HMCN1: variants seen among roughly 807,000 people sequenced by gnomAD.
The protein encoded by HMCN1 is hemicentin 1.
HMCN1 carries 321 observed loss-of-function variants against 625.9 expected under a neutral mutation model. The observed-to-expected ratio is 0.51, with a 90% CI of 0.47 to 0.56. HMCN1 has a LOEUF of 0.56. HMCN1 is among the 20% of genes least tolerant of loss of function. The probability of loss-of-function intolerance (pLI) is 0.00; values close to 1 mark genes in which losing one functional copy is unlikely to be tolerated. For missense variants in HMCN1, 6,588 were observed against 6,887.3 expected, an observed-to-expected ratio of 0.96 and a Z score of 1.54; for synonymous variants, 2,425 against 2,417.6, an observed-to-expected ratio of 1.00 and a Z score of -0.09.
intron 17 of HMCN1, among the ~76,000 whole-genome samples, chr1:185,981,347 C>T (rs951943780): frequency 5.3e-5 from 8 of 151,750 alleles, no homozygotes; most frequent in Middle Eastern, 3.4e-3. Context: ...CACACACACA[C>T]ATATTAGAGT....
Position 186,037,973 on chromosome 1 carries a change from A to G in HMCN1, c.5789A>G (p.Glu1930Gly). 6.2e-7 allele frequency: 1 copy of G among 1,613,326 alleles called. No individual in the cohort carries two copies. The highest frequency in any genetic ancestry group is 8.5e-7 in the Non-Finnish European group (1 of 1,179,430). Reference sequence around the variant, plus strand: ...GAAGATGCTGGAAAAATGCTGAATGAGACTGTGTTGGTGAGCAACCCTGTA... The same window carrying G: ...GAAGATGCTGGAAAAATGCTGAATGGGACTGTGTTGGTGAGCAACCCTGTA... ...SLEDAGKMLN[E>G]TVLVSNPVQL... The change falls in exon 37 of 107, where the codon GAG (glutamate) becomes GGG (glycine). Residue 1930 changes from glutamate to glycine, a missense_variant. Coordinates refer to ENST00000271588, the MANE Select transcript of HMCN1 (RefSeq NM_031935.3).
rs1434635613 is a variant in HMCN1, at chr1:186,040,865, G to A, written c.6181-148G>A. 13 of 758,106 alleles carry A rather than the reference G, an allele frequency of 1.7e-5. No individual in the cohort carries two copies. The East Asian group carries it at 3.5e-4, about 20-fold the overall frequency. The allele number at this position is 758,106 out of a possible 1,614,324, so 47.0% of individuals were successfully genotyped here. A position where few individuals can be genotyped will look rare whatever the true frequency, so the allele number is the denominator to read the frequency against. ...TGAGAAGATGAAAAGGGTATTATAT[G>A]ATGTTTGCCTACTTAAAAATGTCCA... On this transcript the variant is annotated intron_variant, in intron 39 of 106. Transcript: ENST00000271588.
chr1:185,889,818 G>T (rs1664932410), intron 4 of HMCN1, among the ~76,000 whole-genome samples: 1 of 141,712 alleles, frequency 7.1e-6, no homozygotes, highest in East Asian at 1.9e-4. Flanking sequence ...AATGATGCTG[G>T]CCTCATAAAA....
chr1:185,821,428 A>T (rs1191850850), intron 1 of HMCN1, among the ~76,000 whole-genome samples: 1 of 152,170 alleles, frequency 6.6e-6, no homozygotes. Context: ...ATTCTGTCAT[A>T]TAATAATAGA....
intron 82 of HMCN1, among the ~76,000 whole-genome samples, chr1:186,126,629 G>A (rs1403329220): frequency 6.6e-6 from 1 of 151,918 alleles, no homozygotes; most frequent in Admixed American, 6.6e-5. Flanking sequence ...GCAGACCGGG[G>A]GAAAAACAAA....
chr1:186,110,407 G>A (rs1271553039), intron 71 of HMCN1, among the ~76,000 whole-genome samples: 7 of 152,130 alleles, frequency 4.6e-5, no homozygotes, highest in East Asian at 1.9e-4. Context: ...AGGAGACACC[G>A]GTGTACTAAA....
intron 102 of HMCN1, 59 bp downstream of exon 102, chr1:186,172,190 G>T (rs1357432780): frequency 1.9e-6 from 3 of 1,601,244 alleles, no homozygotes; most frequent in Admixed American, 3.3e-5. Context: ...GTCAAGTAAG[G>T]CATTCATTTT....
At chr1:185,852,070 A>G (rs17507170) in intron 2 of HMCN1, among the ~76,000 whole-genome samples, 35,857 of 151,892 alleles carry the variant, frequency 0.24, 4,651 homozygotes, top group Non-Finnish European at 0.29. Flanking sequence ...CCAGGAGAAT[A>G]AATGGGTTTA....
chr1:186,125,794 G>A lies in HMCN1; in HGVS notation c.12690G>A (p.Val4230=), dbSNP rs1319061166. The A allele has an allele frequency of 6.2e-7, 1 of 1,611,786 alleles. No individual in the cohort carries two copies. Among genetic ancestry groups the A allele is most frequent in the Non-Finnish European group, 8.5e-7 (1 of 1,178,280 alleles). Residue 4230 remains valine (V), a splice_region_variant and synonymous_variant, in exon 82 of 107, where the codon GTG becomes GTA. Coordinates refer to ENST00000271588, the MANE Select transcript of HMCN1 (RefSeq NM_031935.3). ...GAGAACTCATTTTAGAAAATGTTGT[G>A]GTAAGTTTAATGGACGTGAACAGAT... ...PYGELILENV[V]LEDSGFYTCV... is the part of the protein sequence containing the mutation.
intron 39 of HMCN1, 88 bp from the exon 40 acceptor site, chr1:186,040,925 A>G: frequency 6.9e-7 from 1 of 1,440,334 alleles, no homozygotes. Flanking sequence ...ATGTCAACTG[A>G]TAAGCCTCAA....
Position 185,877,317 on chromosome 1 carries a change from CTTTCTT to C in HMCN1, c.621+11458_621+11463del, listed in dbSNP as rs1282974536. 3.3e-4 allele frequency among the ~76,000 whole-genome samples: 14 copies of C among 42,766 alleles called. 1 individual carries two copies. In the South Asian group the frequency reaches 7.9e-3, roughly 24 times the overall value. 28.1% of individuals were successfully genotyped at this position (42,766 alleles called of 152,430 possible). A position where few individuals can be genotyped will look rare whatever the true frequency, so the allele number is the denominator to read the frequency against. ...CATTCTATTTCATTGATCTATGTGTCTTTCTTTTTTTTTTTTTTTTTTTTTTTTTTT... is the reference window on the plus strand; with the variant it reads ...CATTCTATTTCATTGATCTATGTGTCTTTTTTTTTTTTTTTTTTTTTTTTT... On this transcript the variant is annotated intron_variant, in intron 4 of 106. Coordinates refer to ENST00000271588, the MANE Select transcript of HMCN1 (RefSeq NM_031935.3).
chr1:186,154,723 G>T (rs1352752383), intron 97 of HMCN1, among the ~76,000 whole-genome samples: 1 of 152,150 alleles, frequency 6.6e-6, no homozygotes, highest in Non-Finnish European at 1.5e-5. Flanking sequence ...AAACTGTGCA[G>T]CAATAATCAG....
In HMCN1 at chr1:186,166,846, G is replaced by T; in HGVS notation, c.15478G>T (p.Ala5160Ser). ...TGCTTTGGGTAGGCATACCTGCCAC[G>T]CTGGTCAGGACTGTGACAATACGAT... The part of the protein sequence containing the change: ...ECALGRHTCH[A>S]GQDCDNTIGS... Residue 5160 changes from alanine to serine, a missense_variant, in exon 100 of 107, where the codon GCT becomes TCT. This residue lies in a region of HMCN1 where 1,954 missense variants were observed against 2,013.1 expected (regional missense o/e 0.97). Coordinates refer to ENST00000271588, the MANE Select transcript of HMCN1 (RefSeq NM_031935.3). 1 of 1,614,148 alleles carries T rather than the reference G, an allele frequency of 6.2e-7. No homozygotes were observed. Among genetic ancestry groups the T allele is most frequent in the South Asian group, 1.1e-5 (1 of 91,084 alleles).
At chr1:186,166,786 T>G (rs753193031) in intron 99 of HMCN1, 22 bp from the exon 100 acceptor site, 1 of 1,614,010 alleles carries the variant, frequency 6.2e-7, no homozygotes, top group Non-Finnish European at 8.5e-7. Flanking sequence ...TCACCTCAGT[T>G]GAATGATTCC....
intron 71 of HMCN1, among the ~76,000 whole-genome samples, 169 bp from the exon 72 acceptor site, chr1:186,112,643 A>T (rs1366176613): frequency 2.6e-5 from 4 of 152,224 alleles, no homozygotes; most frequent in African/African-American, 9.6e-5. Flanking sequence ...CACTCATTAA[A>T]ACAGTTCCCA....
In HMCN1 at chr1:186,144,651, A is replaced by G; in HGVS notation, c.14214A>G (p.Lys4738=). Residue 4738 remains lysine, a synonymous_variant, in exon 91 of 107, where the codon AAA becomes AAG. Coordinates refer to ENST00000271588, the MANE Select transcript of HMCN1 (RefSeq NM_031935.3). ...CTGTGCCCCAGTATGGAGGAAGGAA[A>G]TGCGAAGGGAGTGATGTCCAGAGTG... is the stretch of plus-strand genomic sequence containing the variant. The part of the protein sequence containing the change: ...SDPVPQYGGR[K]CEGSDVQSDF... 1 of 1,614,166 alleles carries G rather than the reference A, an allele frequency of 6.2e-7. No individual in the cohort carries two copies. Among genetic ancestry groups the G allele is most frequent in the Non-Finnish European group, 8.5e-7 (1 of 1,180,006 alleles).
intron 1 of HMCN1, among the ~76,000 whole-genome samples, chr1:185,737,092 C>T (rs923510820): frequency 1.3e-5 from 2 of 151,090 alleles, no homozygotes; most frequent in African/African-American, 4.9e-5. Context: ...GATATTTTTC[C>T]TCTGTAGGTG....
At position 186,170,740 on chromosome 1, in the gene HMCN1, AG is replaced by A. The variant is rs763720399; in HGVS notation, c.15575-595del. On this transcript the variant is annotated intron_variant, in intron 100 of 106. Coordinates refer to ENST00000271588, the MANE Select transcript of HMCN1 (RefSeq NM_031935.3). ...CCAGGACTGGAGGAAAGGAAAGTAAAGGAAAGAAGGTACACAAACCACAGGC... is the reference window on the plus strand; with the variant it reads ...CCAGGACTGGAGGAAAGGAAAGTAAAGAAAGAAGGTACACAAACCACAGGC... 7.9e-5 allele frequency among the ~76,000 whole-genome samples: 12 copies of A among 152,232 alleles called. 1 individual carries two copies. In the South Asian group the frequency reaches 2.1e-3, roughly 26 times the overall value.
rs546740563 is a variant in HMCN1 at position 186,094,511 on chromosome 1, C to T, written c.10294+138C>T. 3 of 712,726 alleles carry T rather than the reference C, an allele frequency of 4.2e-6. No homozygotes were observed. In the South Asian group the frequency reaches 4.5e-5, roughly 11 times the overall value. 44.2% of individuals were successfully genotyped at this position (712,726 alleles called of 1,614,324 possible). On this transcript the variant is annotated intron_variant, in intron 67 of 106. Transcript: ENST00000271588. ...GATTAGTGAAATAGGATCTTACTGA[C>T]TAGAGAATGTATTTTCTTCCAAGGG...
Sources: allele counts gnomAD v4.1 joint callset (sites outside exome capture counted in the v4.1 genomes callset), GRCh38; gene constraint gnomAD v4.1.1; regional missense constraint gnomAD v4.1.1; transcripts MANE v1.5; gene names NCBI Gene and HGNC (gene_info 2026-07-23, HGNC 2026-07-21).